Variants in RANBP2 observed in about 807,000 individuals in gnomAD.
RANBP2 encodes the protein E3 SUMO-protein ligase RanBP2.
In RANBP2, 57 loss-of-function variants were observed where a neutral mutation model predicts 303.6. The ratio of observed to expected loss-of-function variants is 0.19; its 90% CI spans 0.15 to 0.23. The LOEUF is 0.23. Ranked by LOEUF, RANBP2 falls within the 10% of genes least tolerant of loss-of-function variation. RANBP2 has a pLI of 1.00. For synonymous variants in RANBP2, 1,167 were observed against 1,301.5 expected (o/e 0.90, Z 2.23); for missense variants, 3,138 against 3,780.8 (o/e 0.83, Z 4.46).
chr2:109,663,944 C>T, the RANBP2 span, among the ~76,000 whole-genome samples: 1 of 152,192 alleles, frequency 6.6e-6, no homozygotes, highest in African/African-American at 2.4e-5. Flanking sequence ...TAGCCAACTA[C>T]AGCACAGTCA....
At chr2:109,018,418 C>G in the RANBP2 span, among the ~76,000 whole-genome samples, 1 of 152,332 alleles carries the variant, frequency 6.6e-6, no homozygotes, top group East Asian at 1.9e-4. Flanking sequence ...TACACCCTAC[C>G]CTGCAGCCAG....
rs1695983131 is a variant in RANBP2, at chr2:108,740,398, T to G, written c.783-91T>G. On this transcript the variant is annotated intron_variant, in intron 6 of 28. Coordinates refer to ENST00000283195, the MANE Select transcript of RANBP2 (RefSeq NM_006267.5). ...TGAATGTGGAAGATGAAGCTTGAAATAAAATTTTTATTTTGTTTTGAATTA... is the reference window on the plus strand; with the variant it reads ...TGAATGTGGAAGATGAAGCTTGAAAGAAAATTTTTATTTTGTTTTGAATTA... 3.7e-5 allele frequency: 58 copies of G among 1,572,024 alleles called. No individual in the cohort carries two copies. The Middle Eastern group carries it at 6.9e-4, about 19-fold the overall frequency.
intron 18 of RANBP2, among the ~76,000 whole-genome samples, chr2:108,761,116 T>A (rs1258954033): frequency 2.0e-5 from 3 of 149,694 alleles, no homozygotes; most frequent in East Asian, 3.9e-4. Flanking sequence ...ATTTTTTTTT[T>A]ATTTAATATT....
chr2:109,639,124 C>T, the RANBP2 span, among the ~76,000 whole-genome samples: 3 of 152,216 alleles, frequency 2.0e-5, no homozygotes, highest in Non-Finnish European at 4.4e-5. Flanking sequence ...AGCACCTACT[C>T]ATTTGCAGAT....
chr2:109,306,213 C>G, the RANBP2 span, among the ~76,000 whole-genome samples: 1 of 152,214 alleles, frequency 6.6e-6, no homozygotes, highest in Admixed American at 6.5e-5. Context: ...AGAAGAGATG[C>G]AGTCTGCCAG....
At chr2:109,587,032 A>G in the RANBP2 span, among the ~76,000 whole-genome samples, 2 of 152,218 alleles carry the variant, frequency 1.3e-5, no homozygotes, top group Non-Finnish European at 2.9e-5. Flanking sequence ...ACAGTCAAGA[A>G]AGAAAGTCAA....
chr2:109,020,874 G>A, the RANBP2 span, among the ~76,000 whole-genome samples: 1 of 152,156 alleles, frequency 6.6e-6, no homozygotes, highest in Non-Finnish European at 1.5e-5. Flanking sequence ...GTTTGTGGGG[G>A]GCACAAATTT....
At chr2:109,619,336 T>TA in the RANBP2 span, among the ~76,000 whole-genome samples, 1 of 151,636 alleles carries the variant, frequency 6.6e-6, no homozygotes, top group African/African-American at 2.4e-5. Context: ...CACCACTACC[T>TA]AAAAAAAAGC....
chr2:109,742,600 A>G, the RANBP2 span, among the ~76,000 whole-genome samples: 1 of 147,414 alleles, frequency 6.8e-6, no homozygotes, highest in Non-Finnish European at 1.5e-5. Flanking sequence ...GTTATTCCCA[A>G]CTTAATCTGT....
chr2:108,974,607 G>A, the RANBP2 span, among the ~76,000 whole-genome samples: 1 of 152,018 alleles, frequency 6.6e-6, no homozygotes, highest in Admixed American at 6.5e-5. Flanking sequence ...GTGTGTGCCT[G>A]TAATCCCAGC....
At chr2:109,567,670 T>G in the RANBP2 span, 1 of 751,136 alleles carries the variant, frequency 1.3e-6, no homozygotes, top group South Asian at 3.2e-5. Flanking sequence ...CTAAACATTT[T>G]CTCATACTGG....
the RANBP2 span, among the ~76,000 whole-genome samples, chr2:109,486,986 A>G: frequency 6.6e-6 from 1 of 152,164 alleles, no homozygotes; most frequent in Non-Finnish European, 1.5e-5. Context: ...CAGAAGGGTC[A>G]TTGGAATGGA....
the RANBP2 span, among the ~76,000 whole-genome samples, chr2:109,340,932 C>T: frequency 6.6e-6 from 1 of 152,160 alleles, no homozygotes; most frequent in Non-Finnish European, 1.5e-5. Flanking sequence ...CTTTTAAATC[C>T]TCTCCAATCT....
At chr2:109,682,493 TG>T in the RANBP2 span, among the ~76,000 whole-genome samples, 1 of 152,204 alleles carries the variant, frequency 6.6e-6, no homozygotes, top group Non-Finnish European at 1.5e-5. Flanking sequence ...ACCTGAAATA[TG>T]GCTCCCTGGT....
chr2:108,862,065 G>A, the RANBP2 span, among the ~76,000 whole-genome samples: 2 of 135,970 alleles, frequency 1.5e-5, no homozygotes, highest in Non-Finnish European at 3.1e-5. Context: ...GAGGATTCTT[G>A]GTATGATTTC....
the RANBP2 span, among the ~76,000 whole-genome samples, chr2:108,910,083 C>T: frequency 1.3e-5 from 2 of 152,216 alleles, no homozygotes; most frequent in African/African-American, 4.8e-5. Flanking sequence ...ATTACGGTGG[C>T]AGCAGTACTG....
the RANBP2 span, among the ~76,000 whole-genome samples, chr2:109,040,836 A>T: frequency 2.0e-5 from 3 of 152,148 alleles, no homozygotes; most frequent in Admixed American, 2.0e-4. Flanking sequence ...CAGGTGGATC[A>T]CAAGGTCAGG....
At chr2:109,375,470 C>T in the RANBP2 span, among the ~76,000 whole-genome samples, 1 of 152,214 alleles carries the variant, frequency 6.6e-6, no homozygotes, top group African/African-American at 2.4e-5. Context: ...GGCCTCTCAC[C>T]CTCTGGAACT....
chr2:109,618,698 T>C, the RANBP2 span: 3 of 167,004 alleles, frequency 1.8e-5, no homozygotes, highest in Non-Finnish European at 4.4e-5. Context: ...GAAAAATACA[T>C]GTCAGATACT....
Sources: gnomAD v4.1 joint callset for allele counts (sites outside exome capture counted in the v4.1 genomes callset) on GRCh38, gnomAD v4.1.1 for gene constraint, MANE v1.5 for transcripts, NCBI Gene and HGNC (gene_info 2026-07-23, HGNC 2026-07-21) for gene names.